DONSON: variants seen among roughly 807,000 people sequenced by gnomAD.
The protein encoded by DONSON is protein downstream neighbor of Son.
DONSON carries 43 observed loss-of-function variants against 62.1 expected under a neutral mutation model. The ratio of observed to expected loss-of-function variants is 0.69; its 90% CI spans 0.54 to 0.89. The LOEUF (loss-of-function observed/expected upper bound fraction) is 0.89, where lower values mean the gene tolerates loss of function less well. DONSON is among the 40% of genes least tolerant of loss of function. The pLI is 0.00. For missense variants in DONSON, 696 were observed against 697.5 expected (o/e 1.00, Z 0.03); for synonymous variants, 266 against 264.6 (o/e 1.01, Z -0.05).
rs1569073105 is a variant in DONSON at position 33,577,672 on chromosome 21, CACACACACACACACACACACACACACACA to C, written c.*606_*634del. 4.8e-4 allele frequency: 49 copies of C among 101,556 alleles called. 1 individual carries two copies. Among genetic ancestry groups the C allele is most frequent in the African/African-American group, 1.2e-3 (27 of 22,870 alleles). The allele number at this position is 101,556 out of a possible 1,614,324, so 6.3% of individuals were successfully genotyped here. On this transcript the variant is annotated 3_prime_UTR_variant, in exon 10 of 10. Coordinates refer to ENST00000303071, the MANE Select transcript of DONSON (RefSeq NM_017613.4). ...ACACACACACACACACACACACACA[CACACACACACACACACACACACACACACA>C]CCCCTATAAGCACATTAAATACTAC...
chr21:33,583,575 G>GGAACA lies in DONSON; in HGVS notation c.872_876dup (p.Arg293CysfsTer7). 6.2e-7 allele frequency: 1 copy of GGAACA among 1,613,976 alleles called. No individual in the cohort carries two copies. Among genetic ancestry groups the GGAACA allele is most frequent in the Non-Finnish European group, 8.5e-7 (1 of 1,179,952 alleles). ...TCACTTCCAGCTAATCCTGCTGCTC[G>GGAACA]GAACAGGACAGTAAACTGATAGGTA... is the stretch of plus-strand genomic sequence containing the variant. On this transcript the variant is annotated frameshift_variant, in exon 5 of 10. Coordinates refer to ENST00000303071, the MANE Select transcript of DONSON (RefSeq NM_017613.4). LOFTEE classifies it high-confidence loss of function.
At chr21:33,581,211 A>G in intron 8 of DONSON, 91 bp downstream of exon 8, 1 of 1,256,360 alleles carries the variant, frequency 8.0e-7, no homozygotes, top group Non-Finnish European at 1.1e-6. Context: ...TGTACCAAGT[A>G]AAAATGCTAG....
chr21:33,585,956 A>T, intron 3 of DONSON, 22 bp downstream of exon 3: 1 of 1,611,372 alleles, frequency 6.2e-7, no homozygotes, highest in Non-Finnish European at 8.5e-7. Flanking sequence ...TTTAACACAT[A>T]ACTATTTTAT....
Position 33,588,652 on chromosome 21 carries a change from G to A in DONSON, c.-11C>T, listed in dbSNP as rs941914153. ...CACCGAAAGGGCCATGACGCGCGGC[G>A]GCTGAGGGTAGCCGGCCGCCCTACA... is the stretch of plus-strand genomic sequence containing the variant. On this transcript the variant is annotated 5_prime_UTR_variant, in exon 1 of 10. Transcript: ENST00000303071. 4.9e-6 allele frequency: 6 copies of A among 1,231,524 alleles called. No homozygotes were observed. The Admixed American group carries it at 1.3e-4, about 26-fold the overall frequency. The allele number at this position is 1,231,524 out of a possible 1,614,324, so 76.3% of individuals were successfully genotyped here.
intron 5 of DONSON, 82 bp from the exon 6 acceptor site, chr21:33,582,328 T>G: frequency 8.5e-7 from 1 of 1,169,730 alleles, no homozygotes; most frequent in Non-Finnish European, 1.2e-6. Flanking sequence ...GTAAAAAATT[T>G]GAAATGTTAG....
At chr21:33,587,270 ACCCCC>A in intron 2 of DONSON, 1 of 755,178 alleles carries the variant, frequency 1.3e-6, no homozygotes, top group Non-Finnish European at 1.6e-6. Flanking sequence ...GTAAAAGAAA[ACCCCC>A]ACGTCTATCA....
At chr21:33,578,482 T>C (rs968109488) in intron 9 of DONSON, 38 bp from the exon 10 acceptor site, 5 of 1,582,522 alleles carry the variant, frequency 3.2e-6, no homozygotes, top group Admixed American at 1.8e-5. Context: ...AAAAGCACAT[T>C]AGTCTTTAAA....
At position 33,588,562 on chromosome 21, in the gene DONSON, C is replaced by A. The variant is rs2086609930; in HGVS notation, c.80G>T (p.Arg27Leu). ...EVVRLRRKRA[R>L]SRGAAASPPR... is the part of the protein sequence containing the mutation. Reference sequence around the variant, plus strand: ...CGGGGAGGCGGCAGCTCCACGGCTCCGGGCCCTTTTCCGTCGGAGCCGCAC... The same window carrying A: ...CGGGGAGGCGGCAGCTCCACGGCTCAGGGCCCTTTTCCGTCGGAGCCGCAC... The change falls in exon 1 of 10, where the codon CGG becomes CTG. Residue 27 changes from arginine to leucine, a missense_variant. Physicochemically the swap from Arg to Leu is moderately radical, Grantham distance 102. Coordinates refer to ENST00000303071, the MANE Select transcript of DONSON (RefSeq NM_017613.4). 1.6e-6 allele frequency: 2 copies of A among 1,253,848 alleles called. No individual in the cohort carries two copies. Among genetic ancestry groups the A allele is most frequent in the Middle Eastern group, 6.1e-4 (2 of 3,258 alleles). The allele number at this position is 1,253,848 out of a possible 1,614,324, so 77.7% of individuals were successfully genotyped here.
intron 2 of DONSON, 182 bp downstream of exon 2, chr21:33,587,340 T>G: frequency 1.0e-6 from 1 of 985,160 alleles, no homozygotes; most frequent in Non-Finnish European, 1.2e-6. Flanking sequence ...TCAAACCAAC[T>G]CCTTTACCTT....
At chr21:33,583,729 G>T in intron 4 of DONSON, 63 bp from the exon 5 acceptor site, 1 of 1,266,250 alleles carries the variant, frequency 7.9e-7, no homozygotes, top group Non-Finnish European at 1.1e-6. Flanking sequence ...TTATAATTCT[G>T]AATAATTCAG....
At chr21:33,583,125 C>T (rs1214892263) in intron 5 of DONSON, among the ~76,000 whole-genome samples, 1 of 145,758 alleles carries the variant, frequency 6.9e-6, no homozygotes, top group Non-Finnish European at 1.5e-5. Flanking sequence ...GGCCTGAACC[C>T]AGGAGGCGGA....
intron 4 of DONSON, among the ~76,000 whole-genome samples, chr21:33,583,907 T>G (rs1234498070): frequency 6.6e-6 from 1 of 151,290 alleles, no homozygotes; most frequent in African/African-American, 2.4e-5. Context: ...TATTTTTTCT[T>G]TAAACAAAAC....
Position 33,577,691 on chromosome 21 carries a change from ACACACACACACC to A in DONSON, c.*604_*615del, listed in dbSNP as rs1601307901. 1 of 126,074 alleles carries A rather than the reference ACACACACACACC, an allele frequency of 7.9e-6. No individual in the cohort carries two copies. Among genetic ancestry groups the A allele is most frequent in the East Asian group, 2.4e-4 (1 of 4,208 alleles). 7.8% of individuals were successfully genotyped at this position (126,074 alleles called of 1,614,324 possible). A position where few individuals can be genotyped will look rare whatever the true frequency, so the allele number is the denominator to read the frequency against. On this transcript the variant is annotated 3_prime_UTR_variant, in exon 10 of 10. Coordinates refer to ENST00000303071, the MANE Select transcript of DONSON (RefSeq NM_017613.4). ...CACACACACACACACACACACACAC[ACACACACACACC>A]CCTATAAGCACATTAAATACTACTT...
intron 3 of DONSON, among the ~76,000 whole-genome samples, chr21:33,585,226 TAA>T (rs1252418348): frequency 6.6e-6 from 1 of 152,090 alleles, no homozygotes; most frequent in African/African-American, 2.4e-5. Flanking sequence ...TTTGAGACTT[TAA>T]AAAAATTTTT....
chr21:33,588,303 A>G lies in DONSON; in HGVS notation c.321+18T>C, dbSNP rs1205662746. On this transcript the variant is annotated intron_variant, in intron 1 of 9. Transcript: ENST00000303071. ...GAAAGACAAGAGCCCCTTGGCGGCC[A>G]GGCTACAAGACACTCACCGGGACCG... 8.0e-7 allele frequency: 1 copy of G among 1,257,194 alleles called. No homozygotes were observed. The highest frequency in any genetic ancestry group is 1.0e-6 in the Non-Finnish European group (1 of 1,001,922). The allele number at this position is 1,257,194 out of a possible 1,614,324, so 77.9% of individuals were successfully genotyped here. A position where few individuals can be genotyped will look rare whatever the true frequency, so the allele number is the denominator to read the frequency against.
chr21:33,579,249 A>T, intron 9 of DONSON, 101 bp downstream of exon 9: 1 of 836,398 alleles, frequency 1.2e-6, no homozygotes, highest in Non-Finnish European at 1.8e-6. Context: ...CAGTTTAATT[A>T]CTTGAAACAC....
rs573502059 is a variant in DONSON at position 33,584,547 on chromosome 21, A to C, written c.785+43T>G. 2.0e-6 allele frequency: 3 copies of C among 1,483,074 alleles called. No homozygotes were observed. In the African/African-American group the frequency reaches 4.2e-5, roughly 21 times the overall value. The allele number at this position is 1,483,074 out of a possible 1,614,324, so 91.9% of individuals were successfully genotyped here. On this transcript the variant is annotated intron_variant, in intron 4 of 9. Transcript: ENST00000303071. ...TATGATAGAGAATGCTGCTAAAATA[A>C]AATTCACTATTGAATTATACAAGTT...
chr21:33,583,231 A>G (rs1183103017), intron 5 of DONSON, among the ~76,000 whole-genome samples: 2 of 146,546 alleles, frequency 1.4e-5, no homozygotes, highest in Non-Finnish European at 3.0e-5. Context: ...AAAAAGAATG[A>G]TCATCTGATG....
At chr21:33,588,125 GGGGAGCGCTCTT>G (rs1305389362) in intron 1 of DONSON, among the ~76,000 whole-genome samples, 184 bp downstream of exon 1, 2 of 152,278 alleles carry the variant, frequency 1.3e-5, no homozygotes, top group East Asian at 3.9e-4. Context: ...GGGGTAGCCA[GGGGAGCGCTCTT>G]CCCACAAACC....
Sources: gnomAD v4.1 joint callset for allele counts (sites outside exome capture counted in the v4.1 genomes callset) on GRCh38, gnomAD v4.1.1 for gene constraint, MANE v1.5 for transcripts, NCBI Gene and HGNC (gene_info 2026-07-23, HGNC 2026-07-21) for gene names.